Variants in CREM observed in about 807,000 individuals in gnomAD.
CREM encodes cAMP responsive element modulator, also known as cAMP-responsive element modulator.
In CREM, 13 loss-of-function variants were observed where a neutral mutation model predicts 37.3. The ratio of observed to expected loss-of-function variants is 0.35; its 90% confidence interval spans 0.23 to 0.55. The LOEUF is 0.55. Ranked by LOEUF, CREM falls within the 20% of genes least tolerant of loss-of-function variation. The pLI, the probability that CREM is intolerant of heterozygous loss-of-function variation, is 0.88. For synonymous variants in CREM, 124 were observed against 120.2 expected (o/e 1.03, Z -0.21); for missense variants, 296 against 362.3 (o/e 0.82, Z 1.49).
intron 6 of CREM, among the ~76,000 whole-genome samples, chr10:35,203,693 A>G (rs1218182379): frequency 3.3e-5 from 5 of 152,188 alleles, no homozygotes; most frequent in Non-Finnish European, 4.4e-5. Context: ...CTCTGTCTCA[A>G]AATAAAAATA....
At chr10:35,144,745 T>A (rs1564807892) in intron 2 of CREM, among the ~76,000 whole-genome samples, 1 of 152,070 alleles carries the variant, frequency 6.6e-6, no homozygotes, top group Non-Finnish European at 1.5e-5. Context: ...AAACTTTTTT[T>A]TTTTTTGATG....
intron 2 of CREM, among the ~76,000 whole-genome samples, chr10:35,143,387 A>G (rs2091696126): frequency 6.7e-6 from 1 of 149,034 alleles, no homozygotes; most frequent in Admixed American, 6.7e-5. Context: ...TGGAATAACA[A>G]GTGTGATGGG....
chr10:35,153,783 A>C (rs1188123167), intron 3 of CREM, among the ~76,000 whole-genome samples: 1 of 152,220 alleles, frequency 6.6e-6, no homozygotes, highest in African/African-American at 2.4e-5. Flanking sequence ...TAGGAGTCAA[A>C]AGGGGGGAAG....
At chr10:35,130,127 C>T (rs1168679021) in intron 1 of CREM, among the ~76,000 whole-genome samples, 7 of 142,966 alleles carry the variant, frequency 4.9e-5, no homozygotes, top group African/African-American at 1.3e-4. Flanking sequence ...ACCCCGGAGG[C>T]GGAGGGTGCA....
chr10:35,135,294 C>G (rs2090267780), intron 1 of CREM: 2 of 152,086 alleles, frequency 1.3e-5, no homozygotes, highest in Non-Finnish European at 2.9e-5. Flanking sequence ...TGCCTTTCTG[C>G]TCTAAAAGCT....
rs2093078412 is a variant in CREM at position 35,158,798 on chromosome 10, G to GTGTTT, written c.168+10308_168+10309insGTTTT. ...CTTTTTGGAGAGTAGCAAATATAGTGTTTTTTTTTTGTTGTTTTGTTTGTT... is the reference window on the plus strand; with the variant it reads ...CTTTTTGGAGAGTAGCAAATATAGTGTGTTTTTTTTTTTTTGTTGTTTTGTTTGTT... On this transcript the variant is annotated intron_variant, in intron 3 of 7. Coordinates refer to ENST00000685392, the MANE Select transcript of CREM (RefSeq NM_183011.2). Among the ~76,000 whole-genome samples, 11 of 100,834 alleles carry GTGTTT rather than the reference G, an allele frequency of 1.1e-4. 1 individual carries two copies. The highest frequency in any genetic ancestry group is 3.9e-4 in the African/African-American group (11 of 28,366). 66.2% of individuals were successfully genotyped at this position (100,834 alleles called of 152,430 possible).
intron 2 of CREM, among the ~76,000 whole-genome samples, 159 bp from the exon 3 acceptor site, chr10:35,148,209 A>G (rs1384663300): frequency 1.3e-5 from 2 of 152,192 alleles, no homozygotes; most frequent in Non-Finnish European, 2.9e-5. Context: ...ATGAGGTCAC[A>G]TGTGGAATTT....
Position 35,197,499 on chromosome 10 carries a change from C to A in CREM, c.598+9111C>A, listed in dbSNP as rs1237264581. Among the ~76,000 whole-genome samples the A allele has an allele frequency of 2.6e-5, 4 of 151,736 alleles. No homozygotes were observed. The East Asian group carries it at 7.8e-4, about 29-fold the overall frequency. ...ACGGAGTCTCGCTCTGTCGCCCAGG[C>A]TGGAGTGCAGTGGCTGGATCTTGGC... On this transcript the variant is annotated intron_variant, in intron 6 of 7. Coordinates refer to ENST00000685392, the MANE Select transcript of CREM (RefSeq NM_183011.2).
At chr10:35,134,042 G>A (rs2135473832) in intron 1 of CREM, among the ~76,000 whole-genome samples, 1 of 149,286 alleles carries the variant, frequency 6.7e-6, no homozygotes, top group East Asian at 2.0e-4. Flanking sequence ...ACCACAGCAG[G>A]TAAAAGTTTT....
At chr10:35,144,397 A>G (rs2091825852) in intron 2 of CREM, among the ~76,000 whole-genome samples, 1 of 152,198 alleles carries the variant, frequency 6.6e-6, no homozygotes, top group Non-Finnish European at 1.5e-5. Context: ...TGACTAAAAG[A>G]AGAAATAAAA....
At chr10:35,185,083 G>C (rs1207861138) in intron 5 of CREM, among the ~76,000 whole-genome samples, 2 of 150,278 alleles carry the variant, frequency 1.3e-5, no homozygotes, top group Non-Finnish European at 3.0e-5. Flanking sequence ...TTGAGTGGCT[G>C]CTCTGTTCTA....
chr10:35,144,338 T>C (rs1242733536), intron 2 of CREM, among the ~76,000 whole-genome samples: 2 of 152,164 alleles, frequency 1.3e-5, no homozygotes, highest in Non-Finnish European at 2.9e-5. Flanking sequence ...ACTGATTATA[T>C]ATAGACACAC....
rs112899831 is a variant in CREM, at chr10:35,202,029, A to G, written c.599-4866A>G. Among the ~76,000 whole-genome samples the G allele has an allele frequency of 7.9e-5, 12 of 152,280 alleles. 1 individual carries two copies. Among genetic ancestry groups the G allele is most frequent in the African/African-American group, 2.9e-4 (12 of 41,554 alleles). The stretch of plus-strand genomic sequence containing the variant: ...GGGTTTCTGGGGTTAAAAAGATACT[A>G]TCCCTGATTTGTCTTAAAGTTTTTG... On this transcript the variant is annotated intron_variant, in intron 6 of 7. Coordinates refer to ENST00000685392, the MANE Select transcript of CREM (RefSeq NM_183011.2).
At chr10:35,138,602 G>A (rs1216774777) in intron 2 of CREM, among the ~76,000 whole-genome samples, 1 of 149,486 alleles carries the variant, frequency 6.7e-6, no homozygotes, top group African/African-American at 2.5e-5. Context: ...TCTTGGCTCA[G>A]TGCAACCTCT....
At chr10:35,195,616 C>A (rs2095123529) in intron 6 of CREM, among the ~76,000 whole-genome samples, 1 of 152,160 alleles carries the variant, frequency 6.6e-6, no homozygotes, top group Admixed American at 6.5e-5. Context: ...GCAGATTAAA[C>A]ATACAGTATA....
At chr10:35,182,486 TTTC>T (rs2094394258) in intron 5 of CREM, among the ~76,000 whole-genome samples, 2 of 152,194 alleles carry the variant, frequency 1.3e-5, no homozygotes, top group South Asian at 4.1e-4. Flanking sequence ...TTTGCTTTTA[TTTC>T]TTTTTTTCCA....
intron 6 of CREM, among the ~76,000 whole-genome samples, chr10:35,200,495 G>GT (rs954520548): frequency 6.6e-6 from 1 of 152,210 alleles, no homozygotes; most frequent in Admixed American, 6.5e-5. Context: ...TGGTCTATGT[G>GT]TTATAGTGAT....
intron 3 of CREM, chr10:35,154,692 A>C (rs976942121): frequency 6.6e-6 from 1 of 152,206 alleles, no homozygotes; most frequent in Non-Finnish European, 1.5e-5. Context: ...TGAACAAAGG[A>C]TGGAAGAAAA....
chr10:35,176,025 G>A (rs1418839531), intron 3 of CREM: 1 of 1,529,534 alleles, frequency 6.5e-7, no homozygotes, highest in African/African-American at 1.4e-5. Context: ...GAATGGTTTT[G>A]TCTTTGACTT....
Sources: gnomAD v4.1 joint callset for allele counts (sites outside exome capture counted in the v4.1 genomes callset) on GRCh38, gnomAD v4.1.1 for gene constraint, MANE v1.5 for transcripts, NCBI Gene and HGNC (gene_info 2026-07-23, HGNC 2026-07-21) for gene names.